TEC: variants seen among roughly 807,000 people sequenced by gnomAD.
TEC encodes tyrosine-protein kinase Tec.
A neutral mutation model predicts 93.0 loss-of-function variants in TEC; 72 were observed. The observed-to-expected ratio is 0.77, with a 90% CI of 0.64 to 0.94. TEC has a LOEUF of 0.94. Ranked by LOEUF, TEC falls within the 40% of genes least tolerant of loss-of-function variation. The pLI, the probability that TEC is intolerant of heterozygous loss-of-function variation, is 0.00. For synonymous variants in TEC, 249 were observed against 247.7 expected (o/e 1.01, Z -0.05); for missense variants, 630 against 757.9 (o/e 0.83, Z 1.98).
At chr4:48,165,038 A>G (rs1214056371) in intron 7 of TEC, among the ~76,000 whole-genome samples, 3 of 152,186 alleles carry the variant, frequency 2.0e-5, no homozygotes, top group African/African-American at 7.2e-5. Flanking sequence ...AGAAAAGAAA[A>G]GAAAAATGTC....
chr4:48,157,101 C>G (rs1720433636), intron 8 of TEC, among the ~76,000 whole-genome samples: 1 of 152,180 alleles, frequency 6.6e-6, no homozygotes, highest in African/African-American at 2.4e-5. Context: ...AGCTCTTCTT[C>G]ACTGTTCAAC....
chr4:48,139,089 A>G (rs902849177), intron 15 of TEC, 67 bp from the exon 16 acceptor site: 4 of 1,379,772 alleles, frequency 2.9e-6, no homozygotes, highest in Non-Finnish European at 4.1e-6. Flanking sequence ...TTGCTCTTTC[A>G]TTTTTTTCCC....
chr4:48,163,710 A>G lies in TEC; in HGVS notation c.729T>C (p.Asp243=). ...YVTGKKSNNL[D]QYEWYCRNMN... is the part of the protein sequence containing the mutation. ...AATAAACATTTACTTACTCATATTGATCTAAGTTGTTTGATTTCTTTCCCG... is the reference window on the plus strand; with the variant it reads ...AATAAACATTTACTTACTCATATTGGTCTAAGTTGTTTGATTTCTTTCCCG... Residue 243 remains aspartate, a synonymous_variant, in exon 8 of 18, where the codon GAT becomes GAC. Transcript: ENST00000381501. 1 of 1,483,902 alleles carries G rather than the reference A, an allele frequency of 6.7e-7. No homozygotes were observed. The highest frequency in any genetic ancestry group is 2.1e-5 in the Admixed American group (1 of 48,334). The allele number at this position is 1,483,902 out of a possible 1,614,324, so 91.9% of individuals were successfully genotyped here.
At chr4:48,204,577 CA>C (rs1722640623) in intron 2 of TEC, among the ~76,000 whole-genome samples, 1 of 152,194 alleles carries the variant, frequency 6.6e-6, no homozygotes, top group African/African-American at 2.4e-5. Context: ...CAGCAATCTG[CA>C]ACGCTTTTTG....
intron 1 of TEC, among the ~76,000 whole-genome samples, chr4:48,269,191 AT>A (rs924623989): frequency 4.0e-5 from 6 of 150,692 alleles, no homozygotes; most frequent in South Asian, 2.1e-4. Context: ...ATACTGCCAA[AT>A]TTTTTTTTTA....
intron 8 of TEC, among the ~76,000 whole-genome samples, chr4:48,158,940 C>T (rs1720511719): frequency 6.6e-6 from 1 of 152,092 alleles, no homozygotes. Flanking sequence ...CAATTCAGAC[C>T]TTTAAGTGTC....
At position 48,171,359 on chromosome 4, in the gene TEC, G is replaced by A. The variant is rs771617364; in HGVS notation, c.325+9C>T. 8 of 1,606,510 alleles carry A rather than the reference G, an allele frequency of 5.0e-6. No homozygotes were observed. The highest frequency in any genetic ancestry group is 8.5e-7 in the Non-Finnish European group (1 of 1,176,406). ...ATTATATACAGAGTAATATTTCATT[G>A]AGTTTTACCTTCTTTTAACTTCTTC... On this transcript the variant is annotated intron_variant, in intron 4 of 17. Transcript: ENST00000381501.
chr4:48,188,883 G>C (rs1721992765), intron 2 of TEC, among the ~76,000 whole-genome samples: 7 of 152,188 alleles, frequency 4.6e-5, no homozygotes, highest in Admixed American at 4.6e-4. Flanking sequence ...ATGTGTGTGT[G>C]TGTGTGCGCG....
chr4:48,178,181 G>GTATATC (rs1721410676), intron 2 of TEC, among the ~76,000 whole-genome samples: 1 of 151,456 alleles, frequency 6.6e-6, no homozygotes, highest in Non-Finnish European at 1.5e-5. Context: ...ATCAGCCCTT[G>GTATATC]TGTAGTGAAG....
chr4:48,241,910 C>A (rs902329586), intron 1 of TEC, among the ~76,000 whole-genome samples: 1 of 152,166 alleles, frequency 6.6e-6, no homozygotes, highest in African/African-American at 2.4e-5. Context: ...TTTATTCTGA[C>A]ATTTATTGCA....
intron 2 of TEC, among the ~76,000 whole-genome samples, chr4:48,207,796 A>G (rs1722765878): frequency 6.6e-6 from 1 of 152,132 alleles, no homozygotes; most frequent in South Asian, 2.1e-4. Flanking sequence ...TCAAAATAAA[A>G]AAACAAAAAT....
At chr4:48,146,446 C>G (rs761750669) in intron 11 of TEC, 47 bp from the exon 12 acceptor site, 4 of 1,559,094 alleles carry the variant, frequency 2.6e-6, no homozygotes, top group Non-Finnish European at 3.5e-6. Flanking sequence ...CATAATCATT[C>G]TGCTTGGTCA....
intron 4 of TEC, 102 bp downstream of exon 4, chr4:48,171,266 G>T: frequency 1.1e-6 from 1 of 879,284 alleles, no homozygotes; most frequent in Non-Finnish European, 1.7e-6. Flanking sequence ...TAGATTAAGA[G>T]ATTACAAATG....
chr4:48,165,715 A>C (rs1402486413), intron 7 of TEC, among the ~76,000 whole-genome samples: 1 of 152,252 alleles, frequency 6.6e-6, no homozygotes, highest in Non-Finnish European at 1.5e-5. Flanking sequence ...CATCTAGATT[A>C]TGGCTCATTT....
intron 1 of TEC, among the ~76,000 whole-genome samples, chr4:48,239,017 T>C (rs1723860042): frequency 2.0e-5 from 3 of 152,188 alleles, no homozygotes; most frequent in Admixed American, 2.0e-4. Context: ...GACAAGTATA[T>C]TTCTATCTTA....
intron 2 of TEC, among the ~76,000 whole-genome samples, chr4:48,202,525 C>T (rs768115395): frequency 6.6e-6 from 1 of 152,054 alleles, no homozygotes; most frequent in Non-Finnish European, 1.5e-5. Context: ...AAAATCGCCC[C>T]ACTGCACTCC....
At chr4:48,163,278 A>G (rs1003760305) in intron 8 of TEC, among the ~76,000 whole-genome samples, 1 of 152,216 alleles carries the variant, frequency 6.6e-6, no homozygotes, top group Admixed American at 6.5e-5. Flanking sequence ...TCTTTTCAAA[A>G]ATAGTAAAAA....
At chr4:48,255,091 AAAC>A (rs758239488) in intron 1 of TEC, among the ~76,000 whole-genome samples, 25 of 152,230 alleles carry the variant, frequency 1.6e-4, no homozygotes, top group African/African-American at 2.9e-4. Flanking sequence ...AGATTTAAGC[AAAC>A]AACAACAAAA....
At chr4:48,146,485 T>C in intron 11 of TEC, 86 bp from the exon 12 acceptor site, 2 of 1,214,656 alleles carry the variant, frequency 1.6e-6, no homozygotes, top group Non-Finnish European at 2.4e-6. Flanking sequence ...CTTAGAAAAT[T>C]CATCATTTAT....
Sources: allele counts gnomAD v4.1 joint callset (sites outside exome capture counted in the v4.1 genomes callset), GRCh38; gene constraint gnomAD v4.1.1; transcripts MANE v1.5; gene names NCBI Gene and HGNC (gene_info 2026-07-23, HGNC 2026-07-21).